KCND3: variants seen among roughly 807,000 people sequenced by gnomAD.
The protein encoded by KCND3 is A-type voltage-gated potassium channel KCND3.
A neutral mutation model predicts 51.1 loss-of-function variants in KCND3; 9 were observed. The ratio of observed to expected loss-of-function variants is 0.18; its 90% CI spans 0.11 to 0.31. The LOEUF (loss-of-function observed/expected upper bound fraction) is 0.31, where lower values mean the gene tolerates loss of function less well. KCND3 is among the 10% of genes least tolerant of loss of function. The pLI is 1.00. For missense variants in KCND3, 526 were observed against 903.8 expected, an observed-to-expected ratio of 0.58 and a Z score of 5.36; for synonymous variants, 349 against 368.0, an observed-to-expected ratio of 0.95 and a Z score of 0.59.
At chr1:111,908,512 C>T (rs1036959) in intron 2 of KCND3, among the ~76,000 whole-genome samples, 22,854 of 152,080 alleles carry the variant, frequency 0.15, 1,887 homozygotes, top group Admixed American at 0.26. Flanking sequence ...AATTCTTATT[C>T]GTAACAACAC....
chr1:111,855,796 A>G (rs1270549814), intron 2 of KCND3, among the ~76,000 whole-genome samples: 4 of 152,144 alleles, frequency 2.6e-5, no homozygotes, highest in Non-Finnish European at 5.9e-5. Context: ...GGGTCTACAG[A>G]AACCACGAGG....
At chr1:111,964,516 C>T (rs1056158501) in intron 2 of KCND3, among the ~76,000 whole-genome samples, 3 of 152,194 alleles carry the variant, frequency 2.0e-5, no homozygotes, top group Admixed American at 1.3e-4. Flanking sequence ...GCAGCCTAGC[C>T]AGCCCCAGAG....
chr1:111,882,548 C>T (rs989481926), intron 2 of KCND3, among the ~76,000 whole-genome samples: 8 of 152,168 alleles, frequency 5.3e-5, no homozygotes, highest in South Asian at 2.1e-4. Flanking sequence ...CAGTGTGCAA[C>T]GGAGTCTCAG....
At chr1:111,809,278 C>T (rs1249875537) in intron 2 of KCND3, among the ~76,000 whole-genome samples, 4 of 151,504 alleles carry the variant, frequency 2.6e-5, no homozygotes, top group African/African-American at 4.9e-5. Context: ...CTGGCCTTAC[C>T]GGTTCTGTTT....
At chr1:111,979,756 G>A (rs1674836725) in intron 2 of KCND3, among the ~76,000 whole-genome samples, 1 of 152,216 alleles carries the variant, frequency 6.6e-6, no homozygotes, top group African/African-American at 2.4e-5. Context: ...AACTTAAAGA[G>A]ATAATATATG....
At chr1:111,939,161 C>G (rs1440791456) in intron 2 of KCND3, among the ~76,000 whole-genome samples, 2 of 152,244 alleles carry the variant, frequency 1.3e-5, no homozygotes, top group Non-Finnish European at 2.9e-5. Flanking sequence ...TGTCCTGGAT[C>G]TCAGGCCAAA....
intron 2 of KCND3, among the ~76,000 whole-genome samples, chr1:111,899,383 G>A (rs1220794584): frequency 6.6e-6 from 1 of 152,230 alleles, no homozygotes; most frequent in Non-Finnish European, 1.5e-5. Context: ...TCTGCTCAAT[G>A]AGCATCAATT....
intron 2 of KCND3, among the ~76,000 whole-genome samples, chr1:111,912,615 C>T (rs1274323601): frequency 6.6e-6 from 1 of 152,066 alleles, no homozygotes; most frequent in Non-Finnish European, 1.5e-5. Flanking sequence ...CATGTTATTG[C>T]CCCAGATGAC....
chr1:111,875,118 A>T (rs1668995662), intron 2 of KCND3, among the ~76,000 whole-genome samples: 1 of 152,138 alleles, frequency 6.6e-6, no homozygotes, highest in Non-Finnish European at 1.5e-5. Flanking sequence ...TCAAAGGAGG[A>T]GGGTTGAAGC....
chr1:111,926,656 T>C (rs575574374), intron 2 of KCND3, among the ~76,000 whole-genome samples: 123 of 152,346 alleles, frequency 8.1e-4, no homozygotes, highest in African/African-American at 2.8e-3. Context: ...CAGGGCCAGG[T>C]GAGGACAGAC....
At chr1:111,854,769 G>T (rs1422537038) in intron 2 of KCND3, among the ~76,000 whole-genome samples, 1 of 152,132 alleles carries the variant, frequency 6.6e-6, no homozygotes, top group East Asian at 1.9e-4. Context: ...AGAGATGAGG[G>T]GACTAAGGCC....
chr1:111,946,057 G>A (rs911141690), intron 2 of KCND3, among the ~76,000 whole-genome samples: 3 of 152,204 alleles, frequency 2.0e-5, no homozygotes, highest in Admixed American at 6.5e-5. Context: ...ATGATGTACA[G>A]CACTCGACCC....
chr1:111,962,694 T>C (rs1673729326), intron 2 of KCND3, among the ~76,000 whole-genome samples: 1 of 152,248 alleles, frequency 6.6e-6, no homozygotes, highest in African/African-American at 2.4e-5. Flanking sequence ...GTCCACATGG[T>C]TCATGGTTAG....
intron 2 of KCND3, among the ~76,000 whole-genome samples, chr1:111,887,749 C>T (rs1669633725): frequency 6.6e-6 from 1 of 152,108 alleles, no homozygotes; most frequent in South Asian, 2.1e-4. Context: ...ACCTGCGGCA[C>T]TTAAATATGA....
At chr1:111,818,469 C>G (rs535886503) in intron 2 of KCND3, among the ~76,000 whole-genome samples, 12 of 152,242 alleles carry the variant, frequency 7.9e-5, no homozygotes, top group Non-Finnish European at 1.2e-4. Context: ...GAAACAACCT[C>G]ACGTTGTGCC....
chr1:111,949,843 T>C (rs1672969936), intron 2 of KCND3, among the ~76,000 whole-genome samples: 2 of 152,168 alleles, frequency 1.3e-5, no homozygotes, highest in Admixed American at 1.3e-4. Context: ...AAAAGAAATA[T>C]ATTTTACATC....
At chr1:111,776,880 A>G in intron 7 of KCND3, 146 bp downstream of exon 7, 1 of 1,475,454 alleles carries the variant, frequency 6.8e-7, no homozygotes, top group South Asian at 1.2e-5. Flanking sequence ...GTTTCCTTGC[A>G]AGGAAAGGAG....
intron 2 of KCND3, among the ~76,000 whole-genome samples, chr1:111,959,256 C>CA (rs1216607540): frequency 1.3e-5 from 2 of 152,186 alleles, no homozygotes; most frequent in Admixed American, 1.3e-4. Context: ...TCTAACCCCC[C>CA]ATAAACCCTC....
At chr1:111,923,766 C>T (rs367647965) in intron 2 of KCND3, among the ~76,000 whole-genome samples, 3 of 152,210 alleles carry the variant, frequency 2.0e-5, no homozygotes, top group East Asian at 1.9e-4. Context: ...AGAGGTGCAG[C>T]GCAGGGGCTT....
Sources: allele counts gnomAD v4.1 joint callset (sites outside exome capture counted in the v4.1 genomes callset), GRCh38; gene constraint gnomAD v4.1.1; transcripts MANE v1.5; gene names NCBI Gene and HGNC (gene_info 2026-07-23, HGNC 2026-07-21).